Variants in TP63 observed in about 807,000 individuals in gnomAD.
TP63 encodes tumor protein p63.
A neutral mutation model predicts 82.8 loss-of-function variants in TP63; 17 were observed. That is an observed-to-expected ratio of 0.21 (90% CI 0.14 to 0.31). TP63 has a LOEUF of 0.31. Among genes scored for constraint, TP63 ranks in the 10% least tolerant of loss-of-function variants. The pLI, the probability that TP63 is intolerant of heterozygous loss-of-function variation, is 1.00. For synonymous variants in TP63, 330 were observed against 321.7 expected, an observed-to-expected ratio of 1.03 and a Z score of -0.28; for missense variants, 648 against 895.3, an observed-to-expected ratio of 0.72 and a Z score of 3.52.
chr3:189,886,976 A>C (rs1057122332), intron 11 of TP63, among the ~76,000 whole-genome samples: 35 of 152,152 alleles, frequency 2.3e-4, no homozygotes, highest in African/African-American at 8.0e-4. Context: ...TGGGAGGCCG[A>C]GGCGGGAGGA....
chr3:189,691,703 G>A (rs1716945803), intron 1 of TP63, among the ~76,000 whole-genome samples: 1 of 152,096 alleles, frequency 6.6e-6, no homozygotes, highest in African/African-American at 2.4e-5. Context: ...TCTCACACTA[G>A]CTGTGTAAGA....
intron 1 of TP63, among the ~76,000 whole-genome samples, chr3:189,704,659 C>G (rs1035628557): frequency 1.3e-5 from 2 of 152,340 alleles, no homozygotes; most frequent in South Asian, 4.1e-4. Context: ...TCCTCAGGGC[C>G]TAGCACAGTG....
intron 3 of TP63, among the ~76,000 whole-genome samples, chr3:189,769,693 C>T (rs1373612828): frequency 1.3e-5 from 2 of 152,128 alleles, no homozygotes; most frequent in African/African-American, 4.8e-5. Flanking sequence ...TGACTGTGCC[C>T]ATTTAGACAT....
chr3:189,864,438 C>T lies in TP63; in HGVS notation c.766+20C>T. 1 of 1,606,760 alleles carries T rather than the reference C, an allele frequency of 6.2e-7. No individual in the cohort carries two copies. On this transcript the variant is annotated intron_variant, in intron 5 of 13. Transcript: ENST00000264731. ...ACGAGGGTAAGCAGAATTTGAATCT[C>T]TAACTGTTCAACCTCCTTGAAGGTC...
At chr3:189,638,164 G>A (rs1453938850) in intron 1 of TP63, among the ~76,000 whole-genome samples, 2 of 152,138 alleles carry the variant, frequency 1.3e-5, no homozygotes, top group East Asian at 3.9e-4. Context: ...GTGGTAACTT[G>A]TCATGGCAGC....
intron 3 of TP63, among the ~76,000 whole-genome samples, chr3:189,803,600 G>A (rs2108625542): frequency 6.6e-6 from 1 of 152,300 alleles, no homozygotes; most frequent in South Asian, 2.1e-4. Context: ...GTATGTTTCA[G>A]AATGCCCTCA....
At chr3:189,788,274 G>A (rs1199120615) in intron 3 of TP63, among the ~76,000 whole-genome samples, 2 of 151,772 alleles carry the variant, frequency 1.3e-5, no homozygotes, top group Admixed American at 1.3e-4. Flanking sequence ...TGGTTTTTGT[G>A]TATAAAAGAA....
intron 1 of TP63, among the ~76,000 whole-genome samples, chr3:189,734,768 G>C (rs1370577689): frequency 6.6e-6 from 1 of 152,120 alleles, no homozygotes; most frequent in Admixed American, 6.5e-5. Flanking sequence ...CTTCATCCTA[G>C]AGTGAGGGAT....
At chr3:189,707,109 A>T (rs111815964) in intron 1 of TP63, among the ~76,000 whole-genome samples, 2 of 152,220 alleles carry the variant, frequency 1.3e-5, no homozygotes, top group African/African-American at 4.8e-5. Flanking sequence ...CTAAGACATG[A>T]TCATTTTTAA....
At chr3:189,727,896 A>C (rs1157560735) in intron 1 of TP63, among the ~76,000 whole-genome samples, 1 of 152,264 alleles carries the variant, frequency 6.6e-6, no homozygotes, top group Admixed American at 6.5e-5. Context: ...ATGACATTTT[A>C]AACAAGATAC....
intron 1 of TP63, among the ~76,000 whole-genome samples, chr3:189,734,495 G>C (rs1029592729): frequency 6.6e-6 from 1 of 152,024 alleles, no homozygotes; most frequent in African/African-American, 2.4e-5. Flanking sequence ...TATTTTGTTT[G>C]TTCCCTTCCC....
chr3:189,811,308 G>T (rs573423158), intron 4 of TP63, among the ~76,000 whole-genome samples: 8 of 152,272 alleles, frequency 5.3e-5, no homozygotes, highest in African/African-American at 1.9e-4. Flanking sequence ...TCGATATATT[G>T]TCTGCCATTC....
chr3:189,635,411 T>C (rs900714457), intron 1 of TP63, among the ~76,000 whole-genome samples: 1 of 152,136 alleles, frequency 6.6e-6, no homozygotes, highest in African/African-American at 2.4e-5. Context: ...CTTCACTTGC[T>C]CCTCCACATC....
At chr3:189,618,715 C>G in the TP63 span, among the ~76,000 whole-genome samples, 1 of 152,144 alleles carries the variant, frequency 6.6e-6, no homozygotes, top group African/African-American at 2.4e-5. Flanking sequence ...TCCTGATGTC[C>G]TTAGTGAATC....
intron 1 of TP63, among the ~76,000 whole-genome samples, chr3:189,718,655 A>G (rs1053176250): frequency 6.6e-6 from 1 of 151,852 alleles, no homozygotes; most frequent in African/African-American, 2.4e-5. Context: ...CTAAGTGTAA[A>G]GACCTTTATC....
rs140654135 is a variant in TP63 at position 189,896,440 on chromosome 3, GT to G, written c.*1947del. 14 of 197,646 alleles carry G rather than the reference GT, an allele frequency of 7.1e-5. No individual in the cohort carries two copies. The highest frequency in any genetic ancestry group is 1.9e-4 in the African/African-American group (8 of 43,170). The allele number at this position is 197,646 out of a possible 1,614,324, so 12.2% of individuals were successfully genotyped here. ...ATTTTAAGAGGGGAGGGAAGGGAAA[GT>G]TTTTTTTTATTATTTTTTTAAAATT... On this transcript the variant is annotated 3_prime_UTR_variant, in exon 14 of 14. Coordinates refer to ENST00000264731, the MANE Select transcript of TP63 (RefSeq NM_003722.5).
At chr3:189,719,619 A>C (rs1277125346) in intron 1 of TP63, among the ~76,000 whole-genome samples, 1 of 152,178 alleles carries the variant, frequency 6.6e-6, no homozygotes, top group Admixed American at 6.5e-5. Context: ...TGTCACAGCT[A>C]CTCAGCTCTG....
chr3:189,776,291 G>A (rs1228519006), intron 3 of TP63, among the ~76,000 whole-genome samples: 4 of 152,030 alleles, frequency 2.6e-5, no homozygotes, highest in Non-Finnish European at 4.4e-5. Flanking sequence ...CCCGACATTC[G>A]TTTTCATCCC....
At chr3:189,764,448 G>A (rs577826610) in intron 3 of TP63, among the ~76,000 whole-genome samples, 10 of 152,116 alleles carry the variant, frequency 6.6e-5, no homozygotes, top group Non-Finnish European at 1.2e-4. Flanking sequence ...AAACACCCAC[G>A]CACACACACA....
Sources: gnomAD v4.1 joint callset for allele counts (sites outside exome capture counted in the v4.1 genomes callset) on GRCh38, gnomAD v4.1.1 for gene constraint, MANE v1.5 for transcripts, NCBI Gene and HGNC (gene_info 2026-07-23, HGNC 2026-07-21) for gene names.